NDEL1: variants seen among roughly 807,000 people sequenced by gnomAD.
NDEL1 encodes nudE neurodevelopment protein 1 like 1, also known as nuclear distribution protein nudE-like 1.
NDEL1 carries 9 observed loss-of-function variants against 45.7 expected under a neutral mutation model. The observed-to-expected ratio is 0.20, with a 90% CI of 0.12 to 0.34. The LOEUF (loss-of-function observed/expected upper bound fraction) is 0.34, where lower values mean the gene tolerates loss of function less well. Among genes scored for constraint, NDEL1 ranks in the 10% least tolerant of loss-of-function variants. NDEL1 has a pLI of 1.00. For missense variants in NDEL1, 306 were observed against 406.2 expected, an observed-to-expected ratio of 0.75 and a Z score of 2.12; for synonymous variants, 133 against 158.6, an observed-to-expected ratio of 0.84 and a Z score of 1.21.
chr17:8,428,323 G>GGT (rs61341198), intron 1 of NDEL1, among the ~76,000 whole-genome samples: 3,050 of 61,944 alleles, frequency 0.049, 74 homozygotes, highest in African/African-American at 0.14. Context: ...AAGTGTGTGT[G>GGT]GTGTGTGTGT....
intron 1 of NDEL1, among the ~76,000 whole-genome samples, chr17:8,418,696 T>C (rs147122012): frequency 6.9e-4 from 103 of 149,776 alleles, no homozygotes; most frequent in African/African-American, 2.5e-3. Context: ...CTCTCTCTCT[T>C]TCTCTTTTCT....
chr17:8,414,495 G>A (rs377067551), intron 1 of NDEL1, among the ~76,000 whole-genome samples: 5 of 151,988 alleles, frequency 3.3e-5, no homozygotes, highest in African/African-American at 4.8e-5. Context: ...GTGAAACCCC[G>A]TCTCTACTAA....
intron 1 of NDEL1, among the ~76,000 whole-genome samples, chr17:8,416,350 A>G (rs879390240): frequency 2.0e-5 from 3 of 152,194 alleles, no homozygotes; most frequent in Non-Finnish European, 4.4e-5. Context: ...GGTGACATGC[A>G]TCTTCCAATG....
chr17:8,466,361 C>A (rs1911590834), intron 8 of NDEL1: 1 of 153,108 alleles, frequency 6.5e-6, no homozygotes, highest in African/African-American at 2.4e-5. Flanking sequence ...TATACACACT[C>A]CCCCTCTGTC....
chr17:8,456,881 C>T (rs1910882332), intron 7 of NDEL1, among the ~76,000 whole-genome samples: 1 of 152,212 alleles, frequency 6.6e-6, no homozygotes, highest in African/African-American at 2.4e-5. Context: ...TCTGAGCCCT[C>T]TACTAGCTGT....
Position 8,454,356 on chromosome 17 carries a change from T to TA in NDEL1, c.701-434dup, listed in dbSNP as rs1352411238. ...GACTAGTTACTATGGAAATAGAAAC[T>TA]AAAAAACGTGACTATCAAATTGTCA... On this transcript the variant is annotated intron_variant, in intron 6 of 8. Transcript: ENST00000334527. Among the ~76,000 whole-genome samples, 4 of 150,406 alleles carry TA rather than the reference T, an allele frequency of 2.7e-5. No homozygotes were observed. The South Asian group carries it at 6.3e-4, about 24-fold the overall frequency.
At chr17:8,424,726 G>C (rs867332121) in intron 1 of NDEL1, among the ~76,000 whole-genome samples, 48 of 152,258 alleles carry the variant, frequency 3.2e-4, no homozygotes, top group Middle Eastern at 3.4e-3. Flanking sequence ...GGATGGTCTC[G>C]ATCTCCTGAC....
intron 7 of NDEL1, among the ~76,000 whole-genome samples, chr17:8,456,561 C>G (rs1304593467): frequency 7.0e-6 from 1 of 143,464 alleles, no homozygotes; most frequent in South Asian, 2.2e-4. Flanking sequence ...TGCAGCGGCA[C>G]GATCTCAGCT....
chr17:8,434,921 T>A (rs1026163301), upstream of NDEL1, among the ~76,000 whole-genome samples: 2 of 151,826 alleles, frequency 1.3e-5, no homozygotes, highest in African/African-American at 4.8e-5. Context: ...AATACAAAAA[T>A]TAGTCGGGCG....
At chr17:8,418,649 C>T (rs1162877289) in intron 1 of NDEL1, among the ~76,000 whole-genome samples, 1 of 151,150 alleles carries the variant, frequency 6.6e-6, no homozygotes, top group East Asian at 1.9e-4. Flanking sequence ...TTCCTTCTTT[C>T]CTTCCTTCCT....
intron 7 of NDEL1, among the ~76,000 whole-genome samples, chr17:8,457,155 C>T (rs1219217895): frequency 6.6e-6 from 1 of 152,108 alleles, no homozygotes; most frequent in African/African-American, 2.4e-5. Flanking sequence ...TTCTGTTTCC[C>T]CTTCTTTCTT....
intron 1 of NDEL1, among the ~76,000 whole-genome samples, chr17:8,424,871 C>T (rs1349957805): frequency 1.3e-5 from 2 of 152,150 alleles, no homozygotes; most frequent in Admixed American, 6.5e-5. Flanking sequence ...CTCTCACTGT[C>T]TTGCTCAGGC....
intron 1 of NDEL1, among the ~76,000 whole-genome samples, chr17:8,417,909 G>A (rs1908593287): frequency 6.6e-6 from 1 of 152,170 alleles, no homozygotes; most frequent in African/African-American, 2.4e-5. Context: ...GCCTTGGCTT[G>A]TTGATTGCCT....
In NDEL1 at chr17:8,446,795, C is replaced by T. The variant is rs1230162507; in HGVS notation, c.282C>T (p.Val94=). 5.6e-6 allele frequency: 9 copies of T among 1,614,094 alleles called. No individual in the cohort carries two copies. The highest frequency in any genetic ancestry group is 3.4e-6 in the Non-Finnish European group (4 of 1,180,030). Residue 94 remains valine (V), a synonymous_variant, in exon 4 of 9, where the codon GTC becomes GTT. Coordinates refer to ENST00000334527, the MANE Select transcript of NDEL1 (RefSeq NM_030808.5). The part of the protein sequence containing the change: ...EHQYAQSYKQ[V]SVLEDDLSQT... ...AATATGCACAGAGCTATAAGCAGGT[C>T]TCAGTGTTAGAAGATGATTTAAGTC...
intron 1 of NDEL1, among the ~76,000 whole-genome samples, chr17:8,415,250 C>T (rs923992513): frequency 6.6e-6 from 1 of 151,080 alleles, no homozygotes; most frequent in African/African-American, 2.4e-5. Context: ...GCGATCACAG[C>T]TTACTACAGT....
At position 8,450,926 on chromosome 17, in the gene NDEL1, A is replaced by G; in HGVS notation, c.673A>G (p.Thr225Ala). ...SLPATPVGKGTENTFPSPKAI... is the reference protein window; with the variant it reads ...SLPATPVGKGAENTFPSPKAI... ...GCCAGCTACCCCTGTTGGCAAAGGA[A>G]CGGAGAACACTTTTCCTTCACCGAA... is the stretch of plus-strand genomic sequence containing the variant. Residue 225 changes from threonine to alanine, a missense_variant, in exon 6 of 9, where the codon ACG (threonine) becomes GCG (alanine). Thr to Ala is a moderately conservative substitution (Grantham distance 58). Around this residue, in one of 3 missense-constraint regions of NDEL1, gnomAD observed 175 missense variants for 205.2 expected, o/e 0.85. Coordinates refer to ENST00000334527, the MANE Select transcript of NDEL1 (RefSeq NM_030808.5). 6.2e-7 allele frequency: 1 copy of G among 1,609,160 alleles called. No individual in the cohort carries two copies. Among genetic ancestry groups the G allele is most frequent in the South Asian group, 1.1e-5 (1 of 89,996 alleles).
At chr17:8,473,262 C>T (rs1347682078) in intron 3 of NDEL1, among the ~76,000 whole-genome samples, 1 of 151,480 alleles carries the variant, frequency 6.6e-6, no homozygotes, top group African/African-American at 2.4e-5. Flanking sequence ...TCTCGGCTCA[C>T]TGCAGCCTCC....
chr17:8,434,707 T>C (rs1909148144), upstream of NDEL1, among the ~76,000 whole-genome samples: 1 of 152,090 alleles, frequency 6.6e-6, no homozygotes, highest in Admixed American at 6.5e-5. Context: ...CCAAGTCCGC[T>C]AGGGAATACA....
intron 8 of NDEL1, 21 bp downstream of exon 8, chr17:8,460,181 G>A: frequency 6.3e-7 from 1 of 1,599,338 alleles, no homozygotes; most frequent in Non-Finnish European, 8.5e-7. Flanking sequence ...AATGTTTTAA[G>A]TGATAATTTT....
Sources: gnomAD v4.1 joint callset for allele counts (sites outside exome capture counted in the v4.1 genomes callset) on GRCh38, gnomAD v4.1.1 for gene constraint, gnomAD v4.1.1 regional missense constraint, MANE v1.5 for transcripts, NCBI Gene and HGNC (gene_info 2026-07-23, HGNC 2026-07-21) for gene names.